VPS35L: variants seen among roughly 807,000 people sequenced by gnomAD.
VPS35L encodes VPS35 endosomal protein sorting factor like.
A neutral mutation model predicts 133.0 loss-of-function variants in VPS35L; 83 were observed. That is an observed-to-expected ratio of 0.62 (90% CI 0.52 to 0.75). VPS35L has a LOEUF of 0.75. Among genes scored for constraint, VPS35L ranks in the 30% least tolerant of loss-of-function variants. The probability of loss-of-function intolerance (pLI) is 0.00; values close to 1 mark genes in which losing one functional copy is unlikely to be tolerated. For missense variants in VPS35L, 1,083 were observed against 1,206.8 expected (o/e 0.90, Z 1.52); for synonymous variants, 423 against 449.9 (o/e 0.94, Z 0.76).
At chr16:19,601,513 C>T (rs893192060) in intron 8 of VPS35L, 151 bp from the exon 9 acceptor site, 9 of 686,208 alleles carry the variant, frequency 1.3e-5, no homozygotes, top group Non-Finnish European at 1.9e-5. Context: ...AAAAATGTGG[C>T]TTAAAATCTG....
intron 28 of VPS35L, among the ~76,000 whole-genome samples, chr16:19,688,874 G>A (rs976856927): frequency 6.6e-6 from 1 of 152,176 alleles, no homozygotes; most frequent in African/African-American, 2.4e-5. Flanking sequence ...TCTAGGGTTT[G>A]CAGCAGGCTG....
At chr16:19,643,155 A>G (rs1173242818) in intron 22 of VPS35L, among the ~76,000 whole-genome samples, 1 of 152,226 alleles carries the variant, frequency 6.6e-6, no homozygotes, top group Admixed American at 6.5e-5. Flanking sequence ...CTTCACTTCC[A>G]TGATTTTTTG....
intron 26 of VPS35L, among the ~76,000 whole-genome samples, chr16:19,665,150 C>A (rs938039297): frequency 2.0e-5 from 3 of 152,180 alleles, no homozygotes; most frequent in Non-Finnish European, 2.9e-5. Flanking sequence ...GTATCCATCC[C>A]CTCAAGCATT....
intron 26 of VPS35L, among the ~76,000 whole-genome samples, chr16:19,654,554 A>C (rs1974239346): frequency 6.6e-6 from 1 of 152,066 alleles, no homozygotes; most frequent in Non-Finnish European, 1.5e-5. Context: ...TTGAAAAAAA[A>C]AAAAAGAAAG....
intron 23 of VPS35L, 110 bp from the exon 24 acceptor site, chr16:19,647,673 GC>G (rs1973993119): frequency 2.4e-6 from 2 of 847,664 alleles, no homozygotes; most frequent in African/African-American, 3.3e-5. Context: ...CTAGTCCAGT[GC>G]CCACGTCATA....
chr16:19,656,045 C>G (rs1451086322), intron 26 of VPS35L, among the ~76,000 whole-genome samples: 1 of 151,774 alleles, frequency 6.6e-6, no homozygotes, highest in Admixed American at 6.6e-5. Context: ...GGCGGATCAC[C>G]TGAGGTCAGG....
At chr16:19,559,468 A>T (rs1191882144) in intron 1 of VPS35L, among the ~76,000 whole-genome samples, 1 of 152,224 alleles carries the variant, frequency 6.6e-6, no homozygotes, top group African/African-American at 2.4e-5. Context: ...AATTTTTACC[A>T]GTTTATATCA....
At chr16:19,669,433 G>A (rs1597415963) in intron 27 of VPS35L, 134 bp downstream of exon 27, 5 of 1,116,266 alleles carry the variant, frequency 4.5e-6, no homozygotes, top group Non-Finnish European at 6.2e-6. Context: ...TTAGGTATTT[G>A]AATTGCTTAA....
intron 7 of VPS35L, among the ~76,000 whole-genome samples, chr16:19,584,918 G>A (rs760575010): frequency 5.9e-5 from 9 of 152,250 alleles, no homozygotes; most frequent in Middle Eastern, 3.4e-3. Flanking sequence ...TTCCCCTGAT[G>A]ATGAGTGATG....
At chr16:19,611,684 A>G (rs796787961) in intron 12 of VPS35L, 3 of 152,242 alleles carry the variant, frequency 2.0e-5, no homozygotes, top group African/African-American at 7.2e-5. Flanking sequence ...TGAGAATGAA[A>G]GAAAAAGCCT....
intron 4 of VPS35L, 74 bp downstream of exon 4, chr16:19,573,315 C>T: frequency 6.9e-7 from 1 of 1,458,654 alleles, no homozygotes; most frequent in Non-Finnish European, 9.3e-7. Flanking sequence ...GTTGCTTCAA[C>T]TCCTGGGCTC....
At chr16:19,614,503 C>G (rs533118960) in intron 12 of VPS35L, among the ~76,000 whole-genome samples, 1 of 152,214 alleles carries the variant, frequency 6.6e-6, no homozygotes, top group Non-Finnish European at 1.5e-5. Context: ...CACCACCTCC[C>G]GGGTTCAAGC....
chr16:19,594,656 AAAAAAAAAAAAAAAAG>A (rs1359163281), intron 8 of VPS35L, among the ~76,000 whole-genome samples: 3 of 149,640 alleles, frequency 2.0e-5, no homozygotes, highest in Non-Finnish European at 1.5e-5. Context: ...AAAAAAAAAA[AAAAAAAAAAAAAAAAG>A]AAGAGAAAAA....
intron 1 of VPS35L, among the ~76,000 whole-genome samples, chr16:19,556,301 G>T (rs1424042408): frequency 2.0e-5 from 3 of 152,028 alleles, no homozygotes; most frequent in Non-Finnish European, 4.4e-5. Flanking sequence ...GAAGGCATTC[G>T]GATGAGGCAC....
At chr16:19,576,898 G>C (rs1311396525) in intron 5 of VPS35L, among the ~76,000 whole-genome samples, 1 of 152,056 alleles carries the variant, frequency 6.6e-6, no homozygotes, top group Non-Finnish European at 1.5e-5. Flanking sequence ...ATAGAGACAG[G>C]GTTTCACCAT....
At chr16:19,640,801 A>G (rs978832112) in intron 21 of VPS35L, among the ~76,000 whole-genome samples, 1 of 152,230 alleles carries the variant, frequency 6.6e-6, no homozygotes, top group African/African-American at 2.4e-5. Flanking sequence ...CCTGGAGTGC[A>G]GTGGCACAAT....
In VPS35L at chr16:19,633,883, C is replaced by T. The variant is rs901395499; in HGVS notation, c.1635+711C>T. The stretch of plus-strand genomic sequence containing the variant: ...CTGGGACTACAGGGGCGTGCCACCA[C>T]GCCTGGCTAATTTTTTGAATTTTTA... On this transcript the variant is annotated intron_variant, in intron 19 of 30. Transcript: ENST00000417362. This position sits in a 1 kb window ranked among gnomAD's most constrained non-coding sequence, Gnocchi z 4.1. Among the ~76,000 whole-genome samples, 2 of 152,016 alleles carry T rather than the reference C, an allele frequency of 1.3e-5. No individual in the cohort carries two copies. The highest frequency in any genetic ancestry group is 2.9e-5 in the Non-Finnish European group (2 of 68,030).
At chr16:19,594,326 G>A (rs1014547130) in intron 8 of VPS35L, among the ~76,000 whole-genome samples, 1 of 152,122 alleles carries the variant, frequency 6.6e-6, no homozygotes, top group African/African-American at 2.4e-5. Context: ...CACTAGGGAG[G>A]TGTCAGCAAA....
At chr16:19,574,998 A>G (rs1971486611) in intron 4 of VPS35L, 100 bp from the exon 5 acceptor site, 2 of 988,780 alleles carry the variant, frequency 2.0e-6, no homozygotes, top group South Asian at 1.6e-5. Context: ...TTCTTTGAAT[A>G]TATATTTCTT....
Sources: allele counts gnomAD v4.1 joint callset (sites outside exome capture counted in the v4.1 genomes callset), GRCh38; gene constraint gnomAD v4.1.1; non-coding constraint Gnocchi (gnomAD v3.1); transcripts MANE v1.5; gene names NCBI Gene and HGNC (gene_info 2026-07-23, HGNC 2026-07-21).